TLL1: variants seen among roughly 807,000 people sequenced by gnomAD.
TLL1 encodes the protein tolloid like 1, also known as tolloid-like protein 1.
Under a neutral mutation model 128.2 loss-of-function variants are expected in TLL1, and 49 were observed. The observed-to-expected ratio is 0.38, with a 90% CI of 0.30 to 0.48. The LOEUF (loss-of-function observed/expected upper bound fraction) is 0.48, where lower values mean the gene tolerates loss of function less well. Among genes scored for constraint, TLL1 ranks in the 20% least tolerant of loss-of-function variants. The pLI, the probability that TLL1 is intolerant of heterozygous loss-of-function variation, is 0.96. For synonymous variants in TLL1, 454 were observed against 418.8 expected, an observed-to-expected ratio of 1.08 and a Z score of -1.03; for missense variants, 1,123 against 1,242.0, an observed-to-expected ratio of 0.90 and a Z score of 1.44.
intron 1 of TLL1, among the ~76,000 whole-genome samples, chr4:165,915,584 A>G (rs1248354069): frequency 6.6e-6 from 1 of 152,154 alleles, no homozygotes; most frequent in Non-Finnish European, 1.5e-5. Flanking sequence ...CAACCAGAAA[A>G]CTGAGGCCCA....
intron 12 of TLL1, among the ~76,000 whole-genome samples, chr4:166,045,489 T>G (rs1465039131): frequency 6.6e-6 from 1 of 152,042 alleles, no homozygotes; most frequent in Non-Finnish European, 1.5e-5. Flanking sequence ...ACCACCACTG[T>G]TCTCATCATC....
At chr4:166,021,254 A>C (rs368332400) in intron 8 of TLL1, among the ~76,000 whole-genome samples, 15 of 151,822 alleles carry the variant, frequency 9.9e-5, no homozygotes, top group Admixed American at 3.9e-4. Flanking sequence ...TATTTCTTTT[A>C]ATTTATTCAT....
chr4:166,047,467 T>G (rs543215301), intron 12 of TLL1, among the ~76,000 whole-genome samples: 1 of 149,022 alleles, frequency 6.7e-6, no homozygotes, highest in South Asian at 2.1e-4. Context: ...CCTGGCCTCA[T>G]TTATTATTCT....
At position 165,994,311 on chromosome 4, in the gene TLL1, T is replaced by C. The variant is rs530623163; in HGVS notation, c.362-70T>C. Reference sequence around the variant, plus strand: ...TGTAAATAAGACATTTTAACTTTTGTCCTTTAAGAGGTAAATGATTCCCTG... The same window carrying C: ...TGTAAATAAGACATTTTAACTTTTGCCCTTTAAGAGGTAAATGATTCCCTG... On this transcript the variant is annotated intron_variant, in intron 3 of 20. Coordinates refer to ENST00000061240, the MANE Select transcript of TLL1 (RefSeq NM_012464.5). 1.0e-4 allele frequency: 165 copies of C among 1,582,960 alleles called. 1 individual carries two copies. The African/African-American group carries it at 2.0e-3, about 20-fold the overall frequency.
intron 19 of TLL1, among the ~76,000 whole-genome samples, chr4:166,096,042 G>A (rs1402416692): frequency 1.3e-5 from 2 of 152,098 alleles, no homozygotes; most frequent in Non-Finnish European, 2.9e-5. Flanking sequence ...ACACTCAGAA[G>A]CAATTGCCCT....
chr4:166,050,499 AT>A (rs979578299), intron 12 of TLL1, among the ~76,000 whole-genome samples: 19 of 152,148 alleles, frequency 1.2e-4, no homozygotes, highest in African/African-American at 4.6e-4. Context: ...TCTATTTTTT[AT>A]TTTTTAGGGA....
chr4:165,886,171 T>C (rs1409064368), intron 1 of TLL1, among the ~76,000 whole-genome samples: 7 of 152,114 alleles, frequency 4.6e-5, no homozygotes, highest in Non-Finnish European at 8.8e-5. Flanking sequence ...TGTAATTGAA[T>C]TAAAAGAGCA....
chr4:166,025,696 CAGAA>C (rs1274548863), intron 9 of TLL1, among the ~76,000 whole-genome samples: 1 of 151,978 alleles, frequency 6.6e-6, no homozygotes, highest in African/African-American at 2.4e-5. Flanking sequence ...AAATCAGTAT[CAGAA>C]AGACGCTTAG....
At chr4:165,957,233 A>G (rs1734844632) in intron 1 of TLL1, among the ~76,000 whole-genome samples, 1 of 152,110 alleles carries the variant, frequency 6.6e-6, no homozygotes, top group South Asian at 2.1e-4. Context: ...ACTTTAAACC[A>G]ACAATAGTCA....
At chr4:165,979,898 A>G (rs1560787693) in intron 1 of TLL1, among the ~76,000 whole-genome samples, 1 of 152,134 alleles carries the variant, frequency 6.6e-6, no homozygotes. Context: ...GTTGAAATAC[A>G]TCATGATTTC....
intron 1 of TLL1, among the ~76,000 whole-genome samples, chr4:165,889,352 C>T (rs557959423): frequency 1.4e-4 from 21 of 152,250 alleles, no homozygotes; most frequent in Non-Finnish European, 2.5e-4. Context: ...TTTGTTTAAG[C>T]TGACTTTTGA....
intron 9 of TLL1, among the ~76,000 whole-genome samples, chr4:166,035,412 G>A (rs533085013): frequency 2.0e-4 from 30 of 152,116 alleles, no homozygotes; most frequent in Admixed American, 3.3e-4. Context: ...ATAGTGCTTT[G>A]GGATTACCTG....
intron 1 of TLL1, among the ~76,000 whole-genome samples, chr4:165,981,679 T>C (rs1736153493): frequency 6.6e-6 from 1 of 152,062 alleles, no homozygotes; most frequent in South Asian, 2.1e-4. Flanking sequence ...TCAAACAAGC[T>C]TTGAAACAAC....
chr4:165,986,891 A>C lies in TLL1; in HGVS notation c.170-2490A>C, dbSNP rs78562924. Among the ~76,000 whole-genome samples, 497 of 152,264 alleles carry C rather than the reference A, an allele frequency of 3.3e-3. 9 individuals are homozygous for C. In the East Asian group the frequency reaches 0.043, roughly 13 times the overall value. On this transcript the variant is annotated intron_variant, in intron 1 of 20. Transcript: ENST00000061240. ...ATCTGAAATGCAGTATTGACAAAGT[A>C]CATTTTGCTTAGTTGAGTGCCTCCG...
rs147706914 is a variant in TLL1, at chr4:166,079,159, A to C, written c.2442+1129A>C. ...ACTCAACTGCTCTCCAGTCCTGTCC[A>C]AGGTCCTGATTGAGAGGATGATTCC... On this transcript the variant is annotated intron_variant, in intron 18 of 20. Transcript: ENST00000061240. Among the ~76,000 whole-genome samples the C allele has an allele frequency of 3.9e-5, 6 of 152,286 alleles. No individual in the cohort carries two copies. In the East Asian group the frequency reaches 1.2e-3, roughly 29 times the overall value.
chr4:166,019,807 T>G (rs930989865), intron 8 of TLL1, among the ~76,000 whole-genome samples: 2 of 152,182 alleles, frequency 1.3e-5, no homozygotes, highest in Non-Finnish European at 2.9e-5. Flanking sequence ...GTTTATGAAA[T>G]TTATAGCTGA....
At chr4:166,051,439 G>A (rs1007421959) in intron 12 of TLL1, among the ~76,000 whole-genome samples, 2 of 151,504 alleles carry the variant, frequency 1.3e-5, no homozygotes, top group Non-Finnish European at 2.9e-5. Context: ...GCATGACATC[G>A]ATGGACTTGA....
At chr4:165,974,019 T>C (rs927719918) in intron 1 of TLL1, among the ~76,000 whole-genome samples, 1 of 151,970 alleles carries the variant, frequency 6.6e-6, no homozygotes, top group African/African-American at 2.4e-5. Context: ...ATTATATTTT[T>C]TCATCCCATG....
At chr4:165,906,590 T>C (rs1579468751) in intron 1 of TLL1, among the ~76,000 whole-genome samples, 1 of 152,220 alleles carries the variant, frequency 6.6e-6, no homozygotes, top group East Asian at 1.9e-4. Flanking sequence ...ACCAGTTTAG[T>C]GAAAATCTTG....
Sources: gnomAD v4.1 joint callset for allele counts (sites outside exome capture counted in the v4.1 genomes callset) on GRCh38, gnomAD v4.1.1 for gene constraint, MANE v1.5 for transcripts, NCBI Gene and HGNC (gene_info 2026-07-23, HGNC 2026-07-21) for gene names.